The following MACROD2 variants were observed in gnomAD, a reference collection of about 807,000 sequenced individuals.
MACROD2 encodes ADP-ribose glycohydrolase MACROD2.
A neutral mutation model predicts 70.4 loss-of-function variants in MACROD2; 36 were observed. The observed-to-expected ratio is 0.51, with a 90% CI of 0.39 to 0.68. The LOEUF (loss-of-function observed/expected upper bound fraction) is 0.68. MACROD2 is among the 30% of genes least tolerant of loss of function. The pLI is 0.00. For missense variants in MACROD2, 496 were observed against 538.4 expected (o/e 0.92, Z 0.78); for synonymous variants, 172 against 178.8 (o/e 0.96, Z 0.30).
intron 5 of MACROD2, among the ~76,000 whole-genome samples, chr20:14,902,162 T>A (rs995091545): frequency 3.9e-5 from 6 of 152,338 alleles, no homozygotes; most frequent in Admixed American, 1.3e-4. Flanking sequence ...AACATTAACC[T>A]CTAATTTAAT....
chr20:14,463,472 C>G (rs544828737), intron 3 of MACROD2, among the ~76,000 whole-genome samples: 3 of 152,178 alleles, frequency 2.0e-5, no homozygotes, highest in Admixed American at 1.3e-4. Flanking sequence ...ACAATCATGT[C>G]ATCTGCAAAC....
chr20:15,843,732 A>G (rs1399666211), intron 8 of MACROD2, among the ~76,000 whole-genome samples: 2 of 152,214 alleles, frequency 1.3e-5, no homozygotes, highest in Non-Finnish European at 1.5e-5. Flanking sequence ...AAGCAAAAGT[A>G]ACAGAGCATT....
intron 5 of MACROD2, among the ~76,000 whole-genome samples, chr20:15,228,140 A>T (rs1290686932): frequency 6.6e-6 from 1 of 151,484 alleles, no homozygotes. Flanking sequence ...AATTTATGCA[A>T]CTCTTGCTTG....
chr20:14,642,942 T>TA (rs990243303), intron 4 of MACROD2, among the ~76,000 whole-genome samples: 5 of 151,868 alleles, frequency 3.3e-5, no homozygotes, highest in South Asian at 2.1e-4. Context: ...CTTCAGTTTG[T>TA]AAAAAAAATG....
At chr20:14,496,529 A>C (rs2327855) in intron 4 of MACROD2, among the ~76,000 whole-genome samples, 58,201 of 152,006 alleles carry the variant, frequency 0.38, 11,679 homozygotes, top group East Asian at 0.63. Context: ...TGCTGATTTT[A>C]AAGTGAGAGA....
chr20:14,819,214 C>T (rs2072810876), intron 5 of MACROD2, among the ~76,000 whole-genome samples: 1 of 151,480 alleles, frequency 6.6e-6, no homozygotes, highest in Admixed American at 6.6e-5. Flanking sequence ...TGTAGTGAGC[C>T]AAGATCACAC....
chr20:14,097,890 G>T (rs2054249712), intron 3 of MACROD2, among the ~76,000 whole-genome samples: 1 of 152,188 alleles, frequency 6.6e-6, no homozygotes, highest in African/African-American at 2.4e-5. Context: ...GTCTGTGTAT[G>T]TTAAACTGTC....
intron 5 of MACROD2, among the ~76,000 whole-genome samples, chr20:15,019,725 CAGTT>C (rs1568533610): frequency 6.6e-6 from 1 of 152,004 alleles, no homozygotes. Context: ...AGAAGAAAAA[CAGTT>C]AGAGACCATT....
chr20:16,030,442 G>A (rs1454398617), intron 15 of MACROD2, among the ~76,000 whole-genome samples: 2 of 152,216 alleles, frequency 1.3e-5, no homozygotes, highest in Non-Finnish European at 2.9e-5. Context: ...CACCCTGCAA[G>A]CACACTGAAA....
chr20:15,714,973 T>G (rs1203407686), intron 8 of MACROD2, among the ~76,000 whole-genome samples: 1 of 152,154 alleles, frequency 6.6e-6, no homozygotes, highest in African/African-American at 2.4e-5. Context: ...TTCTGGCACT[T>G]AGAATTGCAT....
At chr20:15,955,942 T>C (rs2065970938) in intron 12 of MACROD2, among the ~76,000 whole-genome samples, 1 of 152,084 alleles carries the variant, frequency 6.6e-6, no homozygotes, top group Non-Finnish European at 1.5e-5. Flanking sequence ...CCTGCACATG[T>C]ACCCCAGGAC....
chr20:15,219,393 C>T (rs2076838994), intron 5 of MACROD2, among the ~76,000 whole-genome samples: 1 of 151,640 alleles, frequency 6.6e-6, no homozygotes, highest in South Asian at 2.1e-4. Flanking sequence ...TGCTGTAACA[C>T]TCACTCATTT....
At position 15,290,442 on chromosome 20, in the gene MACROD2, C is replaced by T. The variant is rs75677224; in HGVS notation, c.540+60381C>T. Among the ~76,000 whole-genome samples the T allele has an allele frequency of 1.4e-4, 21 of 152,090 alleles. No individual in the cohort carries two copies. The East Asian group carries it at 3.1e-3, about 22-fold the overall frequency. On this transcript the variant is annotated intron_variant, in intron 6 of 17. Transcript: ENST00000684519. ...TAAAGTTTCACACTGCAGACTTGGG[C>T]GACAGTGGTTTTGTTTAAAGCTGAT...
chr20:15,116,722 A>G lies in MACROD2; in HGVS notation c.419-113218A>G, dbSNP rs537443456. Among the ~76,000 whole-genome samples, 4 of 152,344 alleles carry G rather than the reference A, an allele frequency of 2.6e-5. 1 individual carries two copies. The South Asian group carries it at 6.2e-4, about 24-fold the overall frequency. On this transcript the variant is annotated intron_variant, in intron 5 of 17. Transcript: ENST00000684519. ...CTTCTTTTATCTAGCTGACTTTATT[A>G]TAAGAATACAGTATATAATACATAA...
chr20:15,254,737 T>A (rs903130541), intron 6 of MACROD2, among the ~76,000 whole-genome samples: 4 of 152,154 alleles, frequency 2.6e-5, no homozygotes, highest in Non-Finnish European at 5.9e-5. Flanking sequence ...ATTATCTTTT[T>A]TGTTTGTCTT....
At chr20:14,148,837 G>C (rs568511502) in intron 3 of MACROD2, among the ~76,000 whole-genome samples, 1 of 152,248 alleles carries the variant, frequency 6.6e-6, no homozygotes, top group African/African-American at 2.4e-5. Context: ...CTTTGTTCAG[G>C]GTCTTTGTGC....
At chr20:14,198,472 T>C (rs1450462950) in intron 3 of MACROD2, among the ~76,000 whole-genome samples, 1 of 152,236 alleles carries the variant, frequency 6.6e-6, no homozygotes, top group African/African-American at 2.4e-5. Context: ...GTGTTTCTTA[T>C]TATTCGGTTA....
chr20:14,524,597 A>G (rs2085208202), intron 4 of MACROD2, among the ~76,000 whole-genome samples: 1 of 152,182 alleles, frequency 6.6e-6, no homozygotes, highest in Admixed American at 6.5e-5. Flanking sequence ...TAAAGGAAGG[A>G]AGCCTACCAC....
intron 5 of MACROD2, among the ~76,000 whole-genome samples, chr20:14,820,376 T>TG (rs1555834534): frequency 3.8e-4 from 44 of 115,956 alleles, no homozygotes; most frequent in African/African-American, 1.2e-3. Context: ...TTTTTTTTTT[T>TG]GTTTTCTCTG....
Sources: gnomAD v4.1 joint callset for allele counts (sites outside exome capture counted in the v4.1 genomes callset) on GRCh38, gnomAD v4.1.1 for gene constraint, MANE v1.5 for transcripts, NCBI Gene and HGNC (gene_info 2026-07-23, HGNC 2026-07-21) for gene names.